The following UNC13C variants were observed in gnomAD, a reference collection of about 807,000 sequenced individuals.
UNC13C encodes the protein protein unc-13 homolog C.
A neutral mutation model predicts 245.4 loss-of-function variants in UNC13C; 174 were observed. That is an observed-to-expected ratio of 0.71 (90% CI 0.63 to 0.80). The LOEUF is 0.80. Among genes scored for constraint, UNC13C ranks in the 30% least tolerant of loss-of-function variants. The probability of loss-of-function intolerance (pLI) is 0.00; values close to 1 mark genes in which losing one functional copy is unlikely to be tolerated. For missense variants in UNC13C, 2,829 were observed against 2,602.9 expected, an observed-to-expected ratio of 1.09 and a Z score of -1.89; for synonymous variants, 992 against 895.1, an observed-to-expected ratio of 1.11 and a Z score of -1.93.
chr15:53,995,647 C>T (rs547753191), intron 1 of UNC13C, among the ~76,000 whole-genome samples: 1 of 152,188 alleles, frequency 6.6e-6, no homozygotes, highest in Admixed American at 6.5e-5. Context: ...AATCATGTGA[C>T]CACCCAGATA....
At chr15:54,253,912 G>A (rs544693662) in intron 8 of UNC13C, among the ~76,000 whole-genome samples, 1 of 152,188 alleles carries the variant, frequency 6.6e-6, no homozygotes. Flanking sequence ...AGGAATCCCA[G>A]AGTCTTACTG....
intron 14 of UNC13C, among the ~76,000 whole-genome samples, chr15:54,322,481 A>G (rs1478770134): frequency 6.6e-6 from 1 of 151,998 alleles, no homozygotes; most frequent in African/African-American, 2.4e-5. Flanking sequence ...GGAACATATT[A>G]GGCTCCATTT....
rs377628674 is a variant in UNC13C at position 54,525,851 on chromosome 15, G to A, written c.5546+214G>A. 5.3e-5 allele frequency among the ~76,000 whole-genome samples: 8 copies of A among 152,164 alleles called. No individual in the cohort carries two copies. In the South Asian group the frequency reaches 8.3e-4, roughly 16 times the overall value. ...CTAGAACTCTGTGCATCCTTCGGTC[G>A]GATAACACCTATAACACTATCCTCA... On this transcript the variant is annotated intron_variant, in intron 25 of 32. Transcript: ENST00000260323.
At chr15:54,211,107 G>A (rs545797342) in intron 4 of UNC13C, among the ~76,000 whole-genome samples, 8 of 152,216 alleles carry the variant, frequency 5.3e-5, no homozygotes, top group African/African-American at 1.9e-4. Flanking sequence ...AGTGAATGCT[G>A]AAGTAAATTA....
chr15:54,410,960 G>A (rs1414211957), intron 18 of UNC13C, among the ~76,000 whole-genome samples: 1 of 152,164 alleles, frequency 6.6e-6, no homozygotes, highest in East Asian at 1.9e-4. Context: ...ATGTGTCAGA[G>A]TTCCAGCTCC....
intron 12 of UNC13C, among the ~76,000 whole-genome samples, chr15:54,299,649 A>C (rs1321140478): frequency 2.0e-5 from 3 of 152,252 alleles, no homozygotes; most frequent in Non-Finnish European, 4.4e-5. Flanking sequence ...GTACTTTATC[A>C]CTTTGAACAT....
rs559858140 is a variant in UNC13C at position 54,445,879 on chromosome 15, C to T, written c.4933+30812C>T. Among the ~76,000 whole-genome samples, 23 of 152,256 alleles carry T rather than the reference C, an allele frequency of 1.5e-4. No individual in the cohort carries two copies. In the East Asian group the frequency reaches 3.9e-3, roughly 26 times the overall value. ...TGAAGTCCTTGCCCATGCCTATGTC[C>T]GGAATGGTATTGCCTAGGTTTTCTT... On this transcript the variant is annotated intron_variant, in intron 19 of 32. Coordinates refer to ENST00000260323, the MANE Select transcript of UNC13C (RefSeq NM_001080534.3).
chr15:54,056,020 C>A (rs1418036940), intron 2 of UNC13C, among the ~76,000 whole-genome samples: 1 of 151,992 alleles, frequency 6.6e-6, no homozygotes, highest in Non-Finnish European at 1.5e-5. Context: ...CATGTAAGTC[C>A]CAATTGAGTA....
intron 29 of UNC13C, among the ~76,000 whole-genome samples, chr15:54,565,997 G>T (rs189687726): frequency 2.0e-5 from 3 of 151,866 alleles, no homozygotes; most frequent in African/African-American, 4.8e-5. Context: ...TATCACTTTT[G>T]CTCAGGTTTT....
rs144554093 is a variant in UNC13C, at chr15:54,222,097, G to A, written c.3072-12933G>A. 9.7e-3 allele frequency among the ~76,000 whole-genome samples: 1,474 copies of A among 152,132 alleles called. 26 individuals carry two copies. The highest frequency in any genetic ancestry group is 0.034 in the African/African-American group (1,430 of 41,534). On this transcript the variant is annotated intron_variant, in intron 4 of 32. Transcript: ENST00000260323. ...ACTCAAGAATGTATGCTTTCTTTGT[G>A]TTACAAACAATTCGATCATACTATA...
At chr15:53,972,326 C>T in the UNC13C span, among the ~76,000 whole-genome samples, 3 of 152,262 alleles carry the variant, frequency 2.0e-5, no homozygotes, top group South Asian at 2.1e-4. Flanking sequence ...AACATGTGGA[C>T]GTGCTCTTTG....
intron 30 of UNC13C, among the ~76,000 whole-genome samples, chr15:54,572,780 C>G (rs191212793): frequency 1.3e-5 from 2 of 152,054 alleles, no homozygotes; most frequent in African/African-American, 4.8e-5. Flanking sequence ...TTTCAAACTG[C>G]ATTGAATCAT....
intron 4 of UNC13C, among the ~76,000 whole-genome samples, chr15:54,183,318 GCA>G (rs1170574214): frequency 2.7e-5 from 4 of 150,518 alleles, no homozygotes; most frequent in Non-Finnish European, 4.4e-5. Flanking sequence ...GAAAATGCTG[GCA>G]CAATAACTAC....
chr15:54,576,388 T>A (rs143192274), intron 30 of UNC13C, among the ~76,000 whole-genome samples: 1 of 152,326 alleles, frequency 6.6e-6, no homozygotes, highest in East Asian at 1.9e-4. Flanking sequence ...GTACTCTACA[T>A]GTTAGTATCA....
chr15:54,228,971 A>G (rs558770605), intron 4 of UNC13C, among the ~76,000 whole-genome samples: 5 of 152,304 alleles, frequency 3.3e-5, no homozygotes, highest in South Asian at 2.1e-4. Context: ...TTTAGGACCC[A>G]ACAGCATTGT....
the UNC13C span, among the ~76,000 whole-genome samples, chr15:53,924,219 C>T: frequency 3.3e-5 from 5 of 149,280 alleles, no homozygotes; most frequent in Non-Finnish European, 4.5e-5. Context: ...AAAAACAAAA[C>T]AAACAAACAA....
At chr15:54,557,347 C>T (rs1208044061) in intron 29 of UNC13C, among the ~76,000 whole-genome samples, 2 of 151,840 alleles carry the variant, frequency 1.3e-5, no homozygotes, top group Non-Finnish European at 2.9e-5. Flanking sequence ...CTCTCTTGAC[C>T]CTGTGCCCTG....
At chr15:53,920,690 T>C in the UNC13C span, among the ~76,000 whole-genome samples, 1 of 152,004 alleles carries the variant, frequency 6.6e-6, no homozygotes, top group African/African-American at 2.4e-5. Context: ...TTACGAAGCA[T>C]AGCAACTGAG....
chr15:54,028,684 CTTTTTTTT>C (rs58264883), intron 2 of UNC13C, among the ~76,000 whole-genome samples: 3 of 87,096 alleles, frequency 3.4e-5, no homozygotes, highest in Non-Finnish European at 4.1e-5. Flanking sequence ...GCCTACAAGT[CTTTTTTTT>C]TTTTTTTTTT....
Sources: allele counts gnomAD v4.1 joint callset (sites outside exome capture counted in the v4.1 genomes callset), GRCh38; gene constraint gnomAD v4.1.1; transcripts MANE v1.5; gene names NCBI Gene and HGNC (gene_info 2026-07-23, HGNC 2026-07-21).